Variants in NTRK2 observed in about 807,000 individuals in gnomAD.
NTRK2 encodes the protein BDNF/NT-3 growth factors receptor.
A neutral mutation model predicts 94.5 loss-of-function variants in NTRK2; 13 were observed. That is an observed-to-expected ratio of 0.14 (90% CI 0.09 to 0.22). The LOEUF is 0.22. Among genes scored for constraint, NTRK2 ranks in the 10% least tolerant of loss-of-function variants. NTRK2 has a pLI of 1.00. For missense variants in NTRK2, 639 were observed against 1,071.2 expected, an observed-to-expected ratio of 0.60 and a Z score of 5.63; for synonymous variants, 372 against 407.4, an observed-to-expected ratio of 0.91 and a Z score of 1.05.
chr9:84,813,579 C>A, intron 12 of NTRK2: 1 of 1,065,676 alleles, frequency 9.4e-7, no homozygotes, highest in Non-Finnish European at 1.1e-6. Context: ...TTATCTGCAA[C>A]ATGTCAATTA....
intron 12 of NTRK2, among the ~76,000 whole-genome samples, chr9:84,825,552 T>G (rs2073132905): frequency 6.6e-6 from 1 of 152,134 alleles, no homozygotes; most frequent in Non-Finnish European, 1.5e-5. Flanking sequence ...TTTGTCCTCA[T>G]TAAAACAAGG....
intron 2 of NTRK2, among the ~76,000 whole-genome samples, chr9:84,693,091 A>G (rs1276488640): frequency 6.6e-6 from 1 of 152,218 alleles, no homozygotes; most frequent in Non-Finnish European, 1.5e-5. Flanking sequence ...ATGGAAATTC[A>G]AAACTTTTTA....
chr9:84,888,941 C>T (rs929747066), intron 14 of NTRK2, among the ~76,000 whole-genome samples: 1 of 149,694 alleles, frequency 6.7e-6, no homozygotes, highest in East Asian at 2.0e-4. Flanking sequence ...TGGCTAATTG[C>T]CTCATTGGCG....
intron 14 of NTRK2, among the ~76,000 whole-genome samples, chr9:84,870,260 A>G (rs139042814): frequency 6.5e-5 from 9 of 139,202 alleles, no homozygotes; most frequent in African/African-American, 2.3e-4. Context: ...ACACATACCT[A>G]TATGCACACA....
intron 12 of NTRK2, chr9:84,812,129 C>T: frequency 1.9e-6 from 2 of 1,059,024 alleles, no homozygotes; most frequent in Non-Finnish European, 2.3e-6. Context: ...TTAACTAGTC[C>T]AACACAGTCA....
rs141446138 is a variant in NTRK2 at position 84,964,987 on chromosome 9, A to T, written c.2172+9470A>T. 9.8e-5 allele frequency among the ~76,000 whole-genome samples: 15 copies of T among 152,338 alleles called. No homozygotes were observed. The East Asian group carries it at 2.5e-3, about 25-fold the overall frequency. ...TTTTAATTAAATAACTTACATTTAC[A>T]TAATACTTTTTCTACAATTAAAGTT... On this transcript the variant is annotated intron_variant, in intron 17 of 18. Coordinates refer to ENST00000277120, the MANE Select transcript of NTRK2 (RefSeq NM_006180.6).
intron 15 of NTRK2, among the ~76,000 whole-genome samples, chr9:84,942,197 G>C (rs540090622): frequency 6.6e-6 from 1 of 152,270 alleles, no homozygotes; most frequent in South Asian, 2.1e-4. Flanking sequence ...ATGTTGGGAA[G>C]CTACCTATTG....
At chr9:84,775,389 A>T (rs1056457519) in intron 12 of NTRK2, among the ~76,000 whole-genome samples, 4 of 151,942 alleles carry the variant, frequency 2.6e-5, no homozygotes, top group Non-Finnish European at 4.4e-5. Flanking sequence ...CTCACATATT[A>T]TTTTCCCTGT....
chr9:84,852,475 T>C (rs896756316), intron 12 of NTRK2, among the ~76,000 whole-genome samples: 31 of 152,212 alleles, frequency 2.0e-4, no homozygotes, highest in Admixed American at 2.0e-3. Flanking sequence ...ATCTTTGATA[T>C]GACTTTCTCA....
chr9:84,963,654 AT>A (rs138945986), intron 17 of NTRK2, among the ~76,000 whole-genome samples: 9,915 of 152,064 alleles, frequency 0.065, 324 homozygotes, highest in East Asian at 0.097. Context: ...TCAGTTCAGA[AT>A]TTTTTGGCTA....
At chr9:84,928,602 A>G (rs1359380369) in intron 14 of NTRK2, among the ~76,000 whole-genome samples, 2 of 152,206 alleles carry the variant, frequency 1.3e-5, no homozygotes, top group African/African-American at 4.8e-5. Flanking sequence ...AGGGAACCTG[A>G]ATCCTAGCTG....
intron 17 of NTRK2, among the ~76,000 whole-genome samples, chr9:84,967,743 G>C (rs995975857): frequency 6.6e-6 from 1 of 152,236 alleles, no homozygotes; most frequent in African/African-American, 2.4e-5. Context: ...GGGAGGATTT[G>C]AGGCTCATGC....
At chr9:84,797,873 A>AT (rs2069800122) in intron 12 of NTRK2, among the ~76,000 whole-genome samples, 1 of 116,136 alleles carries the variant, frequency 8.6e-6, no homozygotes, top group African/African-American at 3.3e-5. Flanking sequence ...AATAATATAT[A>AT]TAATATAGTA....
At chr9:84,866,347 C>T (rs373094506) in intron 13 of NTRK2, among the ~76,000 whole-genome samples, 8 of 152,154 alleles carry the variant, frequency 5.3e-5, no homozygotes, top group East Asian at 3.9e-4. Flanking sequence ...TTACTAATCT[C>T]GTTCTAGTGT....
intron 15 of NTRK2, among the ~76,000 whole-genome samples, chr9:84,939,201 G>A (rs528206421): frequency 1.1e-4 from 16 of 151,872 alleles, no homozygotes; most frequent in Middle Eastern, 3.4e-3. Flanking sequence ...ATAGAATAAC[G>A]TAATCTAACA....
chr9:84,701,321 T>C (rs150722771), intron 2 of NTRK2, among the ~76,000 whole-genome samples: 1 of 152,338 alleles, frequency 6.6e-6, no homozygotes, highest in African/African-American at 2.4e-5. Context: ...AGCAGAAAAT[T>C]TCCCCATGGA....
intron 9 of NTRK2, among the ~76,000 whole-genome samples, chr9:84,731,865 C>G (rs1178048918): frequency 6.6e-6 from 1 of 152,124 alleles, no homozygotes; most frequent in African/African-American, 2.4e-5. Flanking sequence ...CTGCCATTTC[C>G]CCAGCCAGCA....
chr9:85,010,880 T>C (rs987712747), intron 17 of NTRK2, among the ~76,000 whole-genome samples: 5 of 152,160 alleles, frequency 3.3e-5, no homozygotes, highest in Admixed American at 6.5e-5. Flanking sequence ...GCTGTTTAAA[T>C]TGTGTACAGT....
rs563443780 is a variant in NTRK2, at chr9:84,774,514, G to C, written c.1396+22429G>C. Among the ~76,000 whole-genome samples, 13 of 152,314 alleles carry C rather than the reference G, an allele frequency of 8.5e-5. No individual in the cohort carries two copies. The East Asian group carries it at 1.3e-3, about 16-fold the overall frequency. ...TATGTGACTTGCCCAAAGCTGCAAG[G>C]CTGTTCCAGGTGGTACTGATTTCAA... On this transcript the variant is annotated intron_variant, in intron 12 of 18. Coordinates refer to ENST00000277120, the MANE Select transcript of NTRK2 (RefSeq NM_006180.6).
Sources: gnomAD v4.1 joint callset for allele counts (sites outside exome capture counted in the v4.1 genomes callset) on GRCh38, gnomAD v4.1.1 for gene constraint, MANE v1.5 for transcripts, NCBI Gene and HGNC (gene_info 2026-07-23, HGNC 2026-07-21) for gene names.